The following PAQR3 variants were observed in gnomAD, a reference collection of about 807,000 sequenced individuals.
PAQR3 encodes Raf kinase trapping to Golgi.
A neutral mutation model predicts 41.7 loss-of-function variants in PAQR3; 39 were observed. The ratio of observed to expected loss-of-function variants is 0.93; its 90% CI spans 0.72 to 1.22. PAQR3 has a LOEUF of 1.22. PAQR3 is among the 50% of genes most tolerant of loss of function. PAQR3 has a pLI of 0.00. For missense variants in PAQR3, 366 were observed against 385.6 expected (o/e 0.95, Z 0.42); for synonymous variants, 140 against 140.6 (o/e 1.00, Z 0.03).
chr4:78,923,386 G>A (rs1344182799), intron 5 of PAQR3: 1 of 198,394 alleles, frequency 5.0e-6, no homozygotes, highest in East Asian at 1.4e-4. Flanking sequence ...CAACGTGCAG[G>A]TTTGTTACAT....
At chr4:78,897,027 A>G (rs1377755024) in intron 11 of PAQR3, among the ~76,000 whole-genome samples, 2 of 152,112 alleles carry the variant, frequency 1.3e-5, no homozygotes, top group Non-Finnish European at 2.9e-5. Context: ...CTTGAAATAT[A>G]TTGCTTGGGG....
rs1377048341 is a variant in PAQR3 at position 78,914,478 on chromosome 4, T to A, written c.*6061A>T. The A allele has an allele frequency of 2.6e-5, 4 of 151,984 alleles. No individual in the cohort carries two copies. Among genetic ancestry groups the A allele is most frequent in the Admixed American group, 2.6e-4 (4 of 15,228 alleles). The allele number at this position is 151,984 out of a possible 1,614,324, so 9.4% of individuals were successfully genotyped here. ...GGCATTTTCCTAAGGAGTATAGATT[T>A]ATACTTTGCATTTTCATTCATCATC... On this transcript the variant is annotated 3_prime_UTR_variant, in exon 6 of 6. Transcript: ENST00000512733.
chr4:78,902,319 A>C (rs1334998993), intron 11 of PAQR3, among the ~76,000 whole-genome samples: 1 of 152,166 alleles, frequency 6.6e-6, no homozygotes, highest in African/African-American at 2.4e-5. Context: ...ATATGAGAAC[A>C]TAATGGAAAT....
At chr4:78,938,864 C>T (rs959745970) in intron 1 of PAQR3, among the ~76,000 whole-genome samples, 176 bp downstream of exon 1, 2 of 151,368 alleles carry the variant, frequency 1.3e-5, no homozygotes, top group African/African-American at 2.4e-5. Flanking sequence ...GACCAAGTAC[C>T]CCGGCCAGGT....
At chr4:78,927,320 G>T (rs985196374) in intron 3 of PAQR3, among the ~76,000 whole-genome samples, 1 of 152,196 alleles carries the variant, frequency 6.6e-6, no homozygotes, top group East Asian at 1.9e-4. Context: ...CACTGGCACT[G>T]GAGGAATAAC....
Position 78,939,281 on chromosome 4 carries a change from G to A in PAQR3, c.-57C>T. ...GAGCTCCCCCAGGTCCCGCCTCCCC[G>A]GGGAGGGGGCTTCGCCGCTGGCGCC... On this transcript the variant is annotated 5_prime_UTR_variant, in exon 1 of 6. Coordinates refer to ENST00000512733, the MANE Select transcript of PAQR3 (RefSeq NM_001040202.2). 1 of 1,507,304 alleles carries A rather than the reference G, an allele frequency of 6.6e-7. No individual in the cohort carries two copies. The highest frequency in any genetic ancestry group is 2.3e-5 in the Admixed American group (1 of 43,370). The allele number at this position is 1,507,304 out of a possible 1,614,324, so 93.4% of individuals were successfully genotyped here.
At chr4:78,937,649 T>C (rs1459538549) in intron 1 of PAQR3, among the ~76,000 whole-genome samples, 1 of 152,232 alleles carries the variant, frequency 6.6e-6, no homozygotes, top group African/African-American at 2.4e-5. Context: ...ATACTGTGAT[T>C]ACCCTCATTT....
intron 11 of PAQR3, among the ~76,000 whole-genome samples, chr4:78,900,753 CTTCTT>C (rs1733954891): frequency 6.6e-6 from 1 of 152,110 alleles, no homozygotes; most frequent in African/African-American, 2.4e-5. Context: ...AGTTTTTTCT[CTTCTT>C]AATTTTAAAC....
chr4:78,908,401 C>T (rs780990209), downstream of PAQR3, among the ~76,000 whole-genome samples: 2 of 152,206 alleles, frequency 1.3e-5, no homozygotes, highest in Non-Finnish European at 2.9e-5. Context: ...TTGCACTCAG[C>T]TGTTTTCTTC....
chr4:78,925,671 C>A (rs1012978886), intron 4 of PAQR3, among the ~76,000 whole-genome samples: 3 of 152,116 alleles, frequency 2.0e-5, no homozygotes, highest in Admixed American at 1.3e-4. Context: ...AATGAAACCC[C>A]CCTTTAAAGT....
At chr4:78,910,687 A>C (rs768262110), downstream of PAQR3, 7 of 1,609,964 alleles carry the variant, frequency 4.3e-6, no homozygotes, top group Non-Finnish European at 5.9e-6. Flanking sequence ...GAACGGTAAA[A>C]CAAGTCCAGC....
downstream of PAQR3, chr4:78,911,813 G>A (rs1734633283): frequency 4.3e-6 from 7 of 1,613,848 alleles, no homozygotes; most frequent in East Asian, 2.2e-5. Context: ...CAGGGCCTGA[G>A]CGACATCCGT....
Position 78,939,137 on chromosome 4 carries a change from G to A in PAQR3, c.88C>T (p.Leu30=). The change falls in exon 1 of 6, where the codon CTG becomes TTG. Residue 30 remains leucine, a synonymous_variant. Coordinates refer to ENST00000512733, the MANE Select transcript of PAQR3 (RefSeq NM_001040202.2). ...WPVLVPRGIR[L]YTYEQIPGSL... ...CCGGGGATCTGCTCGTAGGTGTACA[G>A]GCGGATGCCACGGGGCACCAGGACC... The A allele has an allele frequency of 6.2e-7, 1 of 1,613,854 alleles. No individual in the cohort carries two copies. Among genetic ancestry groups the A allele is most frequent in the South Asian group, 1.1e-5 (1 of 91,058 alleles).
At chr4:78,926,147 C>G (rs1306629654) in intron 4 of PAQR3, among the ~76,000 whole-genome samples, 36 of 152,136 alleles carry the variant, frequency 2.4e-4, no homozygotes, top group Admixed American at 1.7e-3. Context: ...CCTAAAAGAT[C>G]AACTGCTCCT....
chr4:78,889,613 GA>G (rs1733316923), intron 11 of PAQR3, among the ~76,000 whole-genome samples: 1 of 152,062 alleles, frequency 6.6e-6, no homozygotes, highest in South Asian at 2.1e-4. Flanking sequence ...TAAGCTTTAG[GA>G]AAAAGTTGGA....
At chr4:78,907,344 T>C (rs1224996025), downstream of PAQR3, among the ~76,000 whole-genome samples, 2 of 152,152 alleles carry the variant, frequency 1.3e-5, no homozygotes, top group African/African-American at 2.4e-5. Context: ...TGGTAGCCAG[T>C]TGAATAATGA....
chr4:78,910,029 A>G (rs914095431), downstream of PAQR3, among the ~76,000 whole-genome samples: 9 of 152,216 alleles, frequency 5.9e-5, no homozygotes, highest in African/African-American at 1.7e-4. Flanking sequence ...GAGAAGGCAG[A>G]TGTTTTTGGT....
chr4:78,932,869 C>G (rs746403400), intron 2 of PAQR3, among the ~76,000 whole-genome samples: 2 of 152,108 alleles, frequency 1.3e-5, no homozygotes, highest in Non-Finnish European at 2.9e-5. Context: ...GAAAGATAAT[C>G]TGGCAAATTG....
At chr4:78,911,793 C>T, downstream of PAQR3, 1 of 1,613,996 alleles carries the variant, frequency 6.2e-7, no homozygotes, top group Non-Finnish European at 8.5e-7. Context: ...TGTCATGGCA[C>T]CCTCCACATC....
Sources: gnomAD v4.1 joint callset for allele counts (sites outside exome capture counted in the v4.1 genomes callset) on GRCh38, gnomAD v4.1.1 for gene constraint, MANE v1.5 for transcripts, NCBI Gene and HGNC (gene_info 2026-07-23, HGNC 2026-07-21) for gene names.